The following KCNJ12 variants were observed in gnomAD, a reference collection of about 807,000 sequenced individuals.
KCNJ12 encodes potassium inwardly rectifying channel subfamily J member 12.
A neutral mutation model predicts 22.3 loss-of-function variants in KCNJ12; 2 were observed. That is an observed-to-expected ratio of 0.09 (90% CI 0.04 to 0.28). The LOEUF (loss-of-function observed/expected upper bound fraction) is 0.28, where lower values mean the gene tolerates loss of function less well. KCNJ12 is among the 10% of genes least tolerant of loss of function. The pLI is 1.00. For missense variants in KCNJ12, 155 were observed against 633.3 expected (o/e 0.24, Z 8.11); for synonymous variants, 117 against 261.4 (o/e 0.45, Z 5.33).
rs1488550090 is a variant in KCNJ12 at position 21,383,006 on chromosome 17, C to T, written c.-179+6093C>T. On this transcript the variant is annotated intron_variant, in intron 1 of 2. Transcript: ENST00000583088. ...CAGTTCCCGGAGGAAGGCTGGGGCG[C>T]AGCCTTGAGGCCACAGACCCTCTGT... Among the ~76,000 whole-genome samples the T allele has an allele frequency of 3.3e-5, 5 of 152,186 alleles. No homozygotes were observed. The South Asian group carries it at 6.2e-4, about 19-fold the overall frequency.
intron 1 of KCNJ12, among the ~76,000 whole-genome samples, chr17:21,390,059 C>T (rs1439085451): frequency 4.6e-5 from 7 of 152,186 alleles, no homozygotes; most frequent in African/African-American, 1.4e-4. Context: ...CCCACTCCTG[C>T]CCCATTCTTG....
rs373903627 is a variant in KCNJ12 at position 21,415,997 on chromosome 17, C to T, written c.655C>T (p.Arg219Cys). The stretch of plus-strand genomic sequence containing the variant: ...CCTCATGTGGCGTGTGGGTAACCTG[C>T]GCAAGAGCCACATTGTGGAGGCCCA... The part of the protein sequence containing the change: ...LCLMWRVGNL[R>C]KSHIVEAHVR... The change falls in exon 3 of 3, where the codon CGC (arginine) becomes TGC (cysteine). Residue 219 changes from arginine to cysteine, a missense_variant. Physicochemically the swap from Arg to Cys is radical, Grantham distance 180. Transcript: ENST00000583088. The T allele has an allele frequency of 1.2e-6, 2 of 1,611,380 alleles. No homozygotes were observed. Among genetic ancestry groups the T allele is most frequent in the African/African-American group, 1.3e-5 (1 of 75,062 alleles).
chr17:21,407,922 C>A (rs62049477), intron 1 of KCNJ12, among the ~76,000 whole-genome samples: 3 of 152,216 alleles, frequency 2.0e-5, no homozygotes, highest in Non-Finnish European at 2.9e-5. Context: ...ATTCATCCAT[C>A]TACCCACTCA....
chr17:21,400,156 C>T (rs1172299688), intron 1 of KCNJ12, among the ~76,000 whole-genome samples: 10 of 152,346 alleles, frequency 6.6e-5, no homozygotes, highest in African/African-American at 2.4e-4. Context: ...CAGACCCTTC[C>T]CTGTGGCCTG....
chr17:21,407,733 A>ATTC, intron 1 of KCNJ12, among the ~76,000 whole-genome samples: 1 of 151,774 alleles, frequency 6.6e-6, no homozygotes, highest in African/African-American at 2.4e-5. Flanking sequence ...CCATCTATCC[A>ATTC]ACCATCCATC....
intron 1 of KCNJ12, among the ~76,000 whole-genome samples, chr17:21,391,125 T>C (rs1392830586): frequency 6.6e-6 from 1 of 152,226 alleles, no homozygotes; most frequent in African/African-American, 2.4e-5. Flanking sequence ...CCTGGTGTGC[T>C]GTGCATCAGC....
intron 1 of KCNJ12, among the ~76,000 whole-genome samples, chr17:21,393,395 C>T (rs1905257205): frequency 6.6e-6 from 1 of 152,028 alleles, no homozygotes; most frequent in African/African-American, 2.4e-5. Flanking sequence ...TGGGGCTGAC[C>T]TGCACACCCT....
chr17:21,401,176 GGGTCCTTGGGCA>G (rs1449357107), intron 1 of KCNJ12, among the ~76,000 whole-genome samples: 2 of 152,262 alleles, frequency 1.3e-5, no homozygotes, highest in Non-Finnish European at 2.9e-5. Context: ...CTTGCCCCCA[GGGTCCTTGGGCA>G]GCCCTCCTGG....
At chr17:21,409,946 G>A (rs1308547549) in intron 2 of KCNJ12, among the ~76,000 whole-genome samples, 16 of 152,154 alleles carry the variant, frequency 1.1e-4, no homozygotes, top group African/African-American at 3.6e-4. Context: ...TGGTGGGGAG[G>A]TTTGGCCTGG....
intron 1 of KCNJ12, among the ~76,000 whole-genome samples, chr17:21,403,217 A>G (rs113173659): frequency 6.6e-6 from 1 of 152,306 alleles, no homozygotes; most frequent in Non-Finnish European, 1.5e-5. Context: ...GAGGTGTGGG[A>G]CATTCCAGAG....
intron 1 of KCNJ12, among the ~76,000 whole-genome samples, chr17:21,378,787 C>G (rs1175599848): frequency 6.6e-6 from 1 of 152,060 alleles, no homozygotes; most frequent in Non-Finnish European, 1.5e-5. Context: ...GGAGCCTTCT[C>G]TGGGAGGGGC....
intron 2 of KCNJ12, among the ~76,000 whole-genome samples, chr17:21,412,645 C>CG (rs1182340026): frequency 3.9e-5 from 6 of 152,304 alleles, no homozygotes; most frequent in Non-Finnish European, 2.9e-5. Context: ...CCCCTGCTGC[C>CG]GGCTCCCTAC....
At chr17:21,385,920 C>G (rs1905056398) in intron 1 of KCNJ12, among the ~76,000 whole-genome samples, 1 of 152,220 alleles carries the variant, frequency 6.6e-6, no homozygotes, top group Non-Finnish European at 1.5e-5. Context: ...AATGGGAACA[C>G]TAGAGAAAGT....
chr17:21,388,925 GA>G (rs1238430846), intron 1 of KCNJ12, among the ~76,000 whole-genome samples: 36 of 152,210 alleles, frequency 2.4e-4, no homozygotes, highest in African/African-American at 8.4e-4. Context: ...TTTTGCCACT[GA>G]GATGTCTCTG....
chr17:21,399,622 TG>T (rs1251993265), intron 1 of KCNJ12, among the ~76,000 whole-genome samples: 2 of 152,106 alleles, frequency 1.3e-5, no homozygotes, highest in Non-Finnish European at 2.9e-5. Flanking sequence ...ACCAAAGGAA[TG>T]GGAGAGAGGC....
chr17:21,415,675 C>T lies in KCNJ12; in HGVS notation c.333C>T (p.Asp111=), dbSNP rs549289239. The T allele has an allele frequency of 2.8e-5, 45 of 1,613,138 alleles. No homozygotes were observed. The highest frequency in any genetic ancestry group is 3.3e-5 in the Admixed American group (2 of 59,990). The change falls in exon 3 of 3, where the codon GAC becomes GAT. Residue 111 remains aspartate (D), a synonymous_variant. Transcript: ENST00000583088. ...IFWVIAVAHG[D]LEPAEGRGRT... ...GGGTCATCGCGGTGGCACACGGTGA[C>T]CTGGAGCCGGCTGAGGGCCGGGGCC... is the stretch of plus-strand genomic sequence containing the variant.
rs1310904152 is a variant in KCNJ12, at chr17:21,408,512, A to G, written c.-178-7A>G. On this transcript the variant is annotated splice_region_variant and splice_polypyrimidine_tract_variant and intron_variant, in intron 1 of 2. Coordinates refer to ENST00000583088, the MANE Select transcript of KCNJ12 (RefSeq NM_021012.5). ...GCAGTAACTTGGCTTTACTCTTTTA[A>G]CTTTAGGATGTTCTAGTGACTGGAT... The G allele has an allele frequency of 6.6e-6, 1 of 152,392 alleles. No homozygotes were observed. The highest frequency in any genetic ancestry group is 2.4e-5 in the African/African-American group (1 of 41,478). The allele number at this position is 152,392 out of a possible 1,614,324, so 9.4% of individuals were successfully genotyped here.
intron 1 of KCNJ12, among the ~76,000 whole-genome samples, chr17:21,399,159 G>A (rs768690850): frequency 4.6e-5 from 7 of 152,194 alleles, no homozygotes; most frequent in African/African-American, 9.7e-5. Flanking sequence ...CGAAGCTGCC[G>A]TCCCCCATGC....
intron 2 of KCNJ12, among the ~76,000 whole-genome samples, chr17:21,412,811 G>A (rs1444657415): frequency 6.6e-6 from 1 of 152,310 alleles, no homozygotes; most frequent in Non-Finnish European, 1.5e-5. Context: ...GTGGGGGACG[G>A]CGCTAGAGGT....
Sources: allele counts gnomAD v4.1 joint callset (sites outside exome capture counted in the v4.1 genomes callset), GRCh38; gene constraint gnomAD v4.1.1; transcripts MANE v1.5; gene names NCBI Gene and HGNC (gene_info 2026-07-23, HGNC 2026-07-21).